The following SCHIP1 variants were observed in gnomAD, a reference collection of about 807,000 sequenced individuals.
SCHIP1 encodes the protein schwannomin interacting protein 1, also known as schwannomin-interacting protein 1.
In SCHIP1, 8 loss-of-function variants were observed where a neutral mutation model predicts 29.7. That is an observed-to-expected ratio of 0.27 (90% confidence interval 0.16 to 0.49). SCHIP1 has a LOEUF of 0.49. Ranked by LOEUF, SCHIP1 falls within the 20% of genes least tolerant of loss-of-function variation. The probability of loss-of-function intolerance (pLI) is 0.99; values close to 1 mark genes in which losing one functional copy is unlikely to be tolerated. For synonymous variants in SCHIP1, 76 were observed against 94.9 expected (o/e 0.80, Z 1.16); for missense variants, 193 against 294.6 (o/e 0.66, Z 2.52).
chr3:159,563,869 C>A, the SCHIP1 span, among the ~76,000 whole-genome samples: 1 of 152,090 alleles, frequency 6.6e-6, no homozygotes, highest in African/African-American at 2.4e-5. Flanking sequence ...TCCTCTATTG[C>A]ATATCAAAAT....
chr3:159,383,228 T>G, the SCHIP1 span, among the ~76,000 whole-genome samples: 7 of 151,400 alleles, frequency 4.6e-5, no homozygotes, highest in Admixed American at 1.3e-4. Flanking sequence ...TTCTAGGGTT[T>G]TTATGGTTTT....
the SCHIP1 span, among the ~76,000 whole-genome samples, chr3:159,458,202 G>C: frequency 6.6e-6 from 1 of 152,176 alleles, no homozygotes; most frequent in Admixed American, 6.6e-5. Flanking sequence ...GTGACTCATG[G>C]CACTGATCCA....
chr3:159,704,708 C>A, the SCHIP1 span, among the ~76,000 whole-genome samples: 4 of 152,088 alleles, frequency 2.6e-5, no homozygotes, highest in African/African-American at 9.6e-5. Flanking sequence ...ACCAAGAAAA[C>A]CTCCATTCAA....
the SCHIP1 span, among the ~76,000 whole-genome samples, chr3:159,472,298 A>G: frequency 1.2e-4 from 19 of 152,318 alleles, no homozygotes; most frequent in Admixed American, 1.2e-3. Context: ...AAATGCTCAT[A>G]CAGCTCACAC....
chr3:159,820,922 G>A, the SCHIP1 span, among the ~76,000 whole-genome samples: 4 of 152,158 alleles, frequency 2.6e-5, no homozygotes, highest in Non-Finnish European at 4.4e-5. Flanking sequence ...GTTCTCTATC[G>A]TCACTGTCCA....
the SCHIP1 span, among the ~76,000 whole-genome samples, chr3:159,794,222 G>A: frequency 3.3e-5 from 5 of 152,190 alleles, no homozygotes; most frequent in Non-Finnish European, 4.4e-5. Flanking sequence ...CTCTGAGTCA[G>A]CCACAGCTTC....
chr3:159,415,222 C>CT, the SCHIP1 span, among the ~76,000 whole-genome samples: 145,562 of 152,222 alleles, frequency 0.96, 69,629 homozygotes, highest in African/African-American at 0.97. Context: ...AGCAACATGA[C>CT]TTTGGCAAAT....
At chr3:159,660,515 A>G in the SCHIP1 span, among the ~76,000 whole-genome samples, 19 of 152,174 alleles carry the variant, frequency 1.2e-4, no homozygotes, top group Non-Finnish European at 2.5e-4. Flanking sequence ...ATATACACAT[A>G]CAGATCTAAT....
the SCHIP1 span, among the ~76,000 whole-genome samples, chr3:159,432,333 TGTGTGTGAGAGAGAGAGA>T: frequency 1.2e-5 from 1 of 82,888 alleles, no homozygotes; most frequent in Non-Finnish European, 2.7e-5. Context: ...TGTGTGTGTG[TGTGTGTGAGAGAGAGAGA>T]GAGAGAGAGA....
chr3:159,574,667 A>C, the SCHIP1 span, among the ~76,000 whole-genome samples: 1 of 152,236 alleles, frequency 6.6e-6, no homozygotes, highest in Non-Finnish European at 1.5e-5. Flanking sequence ...GGAATGTTTA[A>C]GTCTGCAGAC....
At chr3:159,580,553 A>T in the SCHIP1 span, among the ~76,000 whole-genome samples, 1 of 152,228 alleles carries the variant, frequency 6.6e-6, no homozygotes, top group African/African-American at 2.4e-5. Flanking sequence ...TAAAATATTT[A>T]TTGGATGAAA....
the SCHIP1 span, among the ~76,000 whole-genome samples, chr3:159,587,033 T>C: frequency 6.6e-6 from 1 of 152,258 alleles, no homozygotes; most frequent in East Asian, 1.9e-4. Context: ...TGTTTCTAAG[T>C]CTCTGGCTGC....
At chr3:159,758,606 G>A in the SCHIP1 span, among the ~76,000 whole-genome samples, 1 of 152,236 alleles carries the variant, frequency 6.6e-6, no homozygotes, top group Admixed American at 6.5e-5. Context: ...ACAGCAGGCT[G>A]CCTCTTCCAA....
At chr3:159,679,277 C>T in the SCHIP1 span, among the ~76,000 whole-genome samples, 2 of 152,054 alleles carry the variant, frequency 1.3e-5, no homozygotes, top group African/African-American at 4.8e-5. Flanking sequence ...TATAATACAG[C>T]TACTACCATG....
chr3:159,554,680 GT>G, the SCHIP1 span, among the ~76,000 whole-genome samples: 566 of 152,168 alleles, frequency 3.7e-3, 5 homozygotes, highest in African/African-American at 0.013. Flanking sequence ...CTTCTGAGTG[GT>G]CCCTGCTCCA....
the SCHIP1 span, among the ~76,000 whole-genome samples, chr3:159,747,865 C>A: frequency 6.6e-6 from 1 of 152,140 alleles, no homozygotes; most frequent in East Asian, 1.9e-4. Context: ...CAACCACATC[C>A]CCATGCAAGT....
the SCHIP1 span, among the ~76,000 whole-genome samples, chr3:159,542,269 A>G: frequency 2.0e-5 from 3 of 152,064 alleles, no homozygotes; most frequent in Non-Finnish European, 2.9e-5. Flanking sequence ...AAGATGTACA[A>G]TTGGATACTT....
the SCHIP1 span, among the ~76,000 whole-genome samples, chr3:159,647,080 G>A: frequency 3.3e-5 from 5 of 152,038 alleles, no homozygotes; most frequent in Non-Finnish European, 7.4e-5. Context: ...CATAAAGAGT[G>A]TTAAGGGAAG....
At chr3:159,870,164 A>G (rs1173866676) in intron 2 of SCHIP1, among the ~76,000 whole-genome samples, 3 of 152,026 alleles carry the variant, frequency 2.0e-5, no homozygotes, top group African/African-American at 7.2e-5. Context: ...GAATGATATC[A>G]TCTACAAATA....
Sources: allele counts gnomAD v4.1 joint callset (sites outside exome capture counted in the v4.1 genomes callset), GRCh38; gene constraint gnomAD v4.1.1; transcripts MANE v1.5; gene names NCBI Gene and HGNC (gene_info 2026-07-23, HGNC 2026-07-21).